Variants in WDPCP observed in about 807,000 individuals in gnomAD.
WDPCP encodes the protein WD repeat-containing and planar cell polarity effector protein fritz homolog.
WDPCP carries 71 observed loss-of-function variants against 93.1 expected under a neutral mutation model. The observed-to-expected ratio is 0.76, with a 90% CI of 0.63 to 0.93. The LOEUF is 0.93. WDPCP is among the 40% of genes least tolerant of loss of function. WDPCP has a pLI of 0.00. For synonymous variants in WDPCP, 315 were observed against 315.0 expected (o/e 1.00, Z 0.00); for missense variants, 844 against 887.4 (o/e 0.95, Z 0.62).
At chr2:63,621,950 A>T (rs1225559505) in intron 3 of WDPCP, among the ~76,000 whole-genome samples, 1 of 151,874 alleles carries the variant, frequency 6.6e-6, no homozygotes, top group Non-Finnish European at 1.5e-5. Context: ...ATATGTATAC[A>T]TGTGCCGTAC....
chr2:63,641,845 G>A (rs2106634442), intron 3 of WDPCP, among the ~76,000 whole-genome samples: 1 of 152,226 alleles, frequency 6.6e-6, no homozygotes, highest in South Asian at 2.1e-4. Context: ...TGCTTGTGGG[G>A]TATTACTCAA....
chr2:63,805,745 GTA>G (rs1027437360), intron 2 of WDPCP, among the ~76,000 whole-genome samples: 33 of 152,298 alleles, frequency 2.2e-4, no homozygotes, highest in African/African-American at 7.9e-4. Flanking sequence ...TTTGAGAGCA[GTA>G]TAACAGGAAT....
intron 1 of WDPCP, among the ~76,000 whole-genome samples, chr2:63,565,266 T>C (rs1473517553): frequency 6.6e-6 from 1 of 152,224 alleles, no homozygotes. Context: ...AAGTAATGCG[T>C]TATTTTTTAT....
At chr2:63,499,147 G>A (rs1290555188) in intron 1 of WDPCP, among the ~76,000 whole-genome samples, 1 of 152,160 alleles carries the variant, frequency 6.6e-6, no homozygotes, top group Non-Finnish European at 1.5e-5. Context: ...AAAACAATAC[G>A]AAGTGTGTAG....
intron 1 of WDPCP, among the ~76,000 whole-genome samples, chr2:63,504,369 A>G (rs1417249166): frequency 3.7e-5 from 4 of 107,466 alleles, no homozygotes; most frequent in Admixed American, 8.9e-5. Context: ...TGTGTGTGTG[A>G]TGTATTTTAT....
intron 2 of WDPCP, among the ~76,000 whole-genome samples, chr2:63,757,219 C>A (rs1233359349): frequency 6.6e-6 from 1 of 152,158 alleles, no homozygotes; most frequent in South Asian, 2.1e-4. Flanking sequence ...GCAAAAGGAG[C>A]ATCTCAAAAT....
At chr2:63,216,204 T>C (rs1319312431) in intron 14 of WDPCP, among the ~76,000 whole-genome samples, 1 of 152,212 alleles carries the variant, frequency 6.6e-6, no homozygotes, top group East Asian at 1.9e-4. Flanking sequence ...ATCCTATCAC[T>C]GGGCATATAC....
At chr2:63,393,342 A>G (rs1204977555) in intron 10 of WDPCP, among the ~76,000 whole-genome samples, 1 of 151,694 alleles carries the variant, frequency 6.6e-6, no homozygotes, top group Non-Finnish European at 1.5e-5. Context: ...CAATGAGAAC[A>G]CTTGGACACA....
At chr2:63,611,746 G>A (rs1575729559) in intron 3 of WDPCP, among the ~76,000 whole-genome samples, 7 of 152,070 alleles carry the variant, frequency 4.6e-5, no homozygotes, top group Admixed American at 3.9e-4. Context: ...AAATATATAC[G>A]CTTTCATTCC....
intron 3 of WDPCP, chr2:63,604,974 C>G (rs1218485285): frequency 1.1e-5 from 13 of 1,130,574 alleles, no homozygotes; most frequent in Non-Finnish European, 1.6e-5. Context: ...CACAGTTGCT[C>G]TGATGACTGC....
At chr2:63,430,999 C>G (rs1696716124) in intron 9 of WDPCP, among the ~76,000 whole-genome samples, 4 of 152,132 alleles carry the variant, frequency 2.6e-5, no homozygotes, top group Admixed American at 2.6e-4. Flanking sequence ...AATTCAGTCA[C>G]AGAGAGCTTA....
chr2:63,431,582 C>T (rs1365156757), intron 9 of WDPCP, among the ~76,000 whole-genome samples: 1 of 151,340 alleles, frequency 6.6e-6, no homozygotes, highest in African/African-American at 2.4e-5. Context: ...AAGGAATATG[C>T]CTGAATACTA....
chr2:63,126,651 T>C (rs995371664), intron 17 of WDPCP, among the ~76,000 whole-genome samples: 1 of 150,542 alleles, frequency 6.6e-6, no homozygotes, highest in African/African-American at 2.4e-5. Flanking sequence ...CACATAACTG[T>C]GCAACTTGTT....
intron 12 of WDPCP, among the ~76,000 whole-genome samples, chr2:63,355,772 C>T (rs1311119704): frequency 6.6e-6 from 1 of 152,090 alleles, no homozygotes; most frequent in South Asian, 2.1e-4. Flanking sequence ...CCTATAATCC[C>T]AGCTACTTGG....
chr2:63,742,925 C>T (rs944222054), intron 2 of WDPCP, among the ~76,000 whole-genome samples: 1 of 151,788 alleles, frequency 6.6e-6, no homozygotes, highest in Non-Finnish European at 1.5e-5. Flanking sequence ...TAAGAAAGGC[C>T]AGCATGACAC....
intron 2 of WDPCP, chr2:63,717,829 G>A (rs1040741399): frequency 2.1e-5 from 5 of 238,730 alleles, no homozygotes; most frequent in Middle Eastern, 1.4e-3. Context: ...ATTTGAAGGC[G>A]AGCCCGAGGC....
At chr2:63,831,822 G>A (rs1385170935), upstream of WDPCP, among the ~76,000 whole-genome samples, 1 of 151,990 alleles carries the variant, frequency 6.6e-6, no homozygotes, top group Non-Finnish European at 1.5e-5. Context: ...TCTAAGTTTG[G>A]GGGCATTGAT....
intron 2 of WDPCP, chr2:63,684,199 C>A: frequency 3.0e-6 from 1 of 334,720 alleles, no homozygotes; most frequent in East Asian, 7.0e-5. Flanking sequence ...GGATCATTTT[C>A]AAGGATAGGC....
intron 3 of WDPCP, among the ~76,000 whole-genome samples, chr2:63,618,638 G>C (rs1411158761): frequency 2.6e-5 from 4 of 151,866 alleles, no homozygotes; most frequent in Non-Finnish European, 5.9e-5. Context: ...GGGTACTGTG[G>C]GCCTTTTAAA....
Sources: gnomAD v4.1 joint callset for allele counts (sites outside exome capture counted in the v4.1 genomes callset) on GRCh38, gnomAD v4.1.1 for gene constraint, MANE v1.5 for transcripts, NCBI Gene and HGNC (gene_info 2026-07-23, HGNC 2026-07-21) for gene names.